Variants in LINGO2 observed in about 807,000 individuals in gnomAD.
LINGO2 encodes the protein leucine-rich repeat and immunoglobulin-like domain-containing nogo receptor-interacting protein 2.
A neutral mutation model predicts 30.6 loss-of-function variants in LINGO2; 14 were observed. That is an observed-to-expected ratio of 0.46 (90% CI 0.30 to 0.72). The LOEUF (loss-of-function observed/expected upper bound fraction) is 0.72, where lower values mean the gene tolerates loss of function less well. LINGO2 is among the 30% of genes least tolerant of loss of function. The probability of loss-of-function intolerance (pLI) is 0.07; values close to 1 mark genes in which losing one functional copy is unlikely to be tolerated. For synonymous variants in LINGO2, 317 were observed against 288.5 expected, an observed-to-expected ratio of 1.10 and a Z score of -1.00; for missense variants, 729 against 751.7, an observed-to-expected ratio of 0.97 and a Z score of 0.35.
At chr9:28,055,878 C>T (rs1225945684) in intron 4 of LINGO2, among the ~76,000 whole-genome samples, 6 of 152,098 alleles carry the variant, frequency 3.9e-5, no homozygotes, top group Admixed American at 3.3e-4. Flanking sequence ...AGGCATTTGG[C>T]AAAAGTTAAA....
chr9:28,897,674 G>A, the LINGO2 span, among the ~76,000 whole-genome samples: 1 of 151,978 alleles, frequency 6.6e-6, no homozygotes, highest in Non-Finnish European at 1.5e-5. Flanking sequence ...CCTGTAAAAC[G>A]AAAATAATAA....
chr9:28,825,898 G>A, the LINGO2 span, among the ~76,000 whole-genome samples: 2 of 152,078 alleles, frequency 1.3e-5, no homozygotes, highest in Non-Finnish European at 2.9e-5. Flanking sequence ...TTTCTGAGCA[G>A]AATTTGAAAC....
At chr9:28,675,177 T>C (rs1443473147), upstream of LINGO2, among the ~76,000 whole-genome samples, 1 of 152,184 alleles carries the variant, frequency 6.6e-6, no homozygotes, top group East Asian at 1.9e-4. Context: ...TTCACATATA[T>C]ATAACTGAGG....
chr9:28,049,368 C>A (rs1173092435), intron 4 of LINGO2, among the ~76,000 whole-genome samples: 1 of 150,698 alleles, frequency 6.6e-6, no homozygotes, highest in African/African-American at 2.5e-5. Flanking sequence ...TATTTTAGAA[C>A]CCCCAAGGTG....
intron 4 of LINGO2, among the ~76,000 whole-genome samples, chr9:28,281,994 G>A (rs1336412869): frequency 6.6e-6 from 1 of 152,060 alleles, no homozygotes; most frequent in East Asian, 1.9e-4. Context: ...AACATTGGGG[G>A]AACTTCAATG....
chr9:28,214,912 A>C lies in LINGO2; in HGVS notation c.-87+80296T>G, dbSNP rs147723355. On this transcript the variant is annotated intron_variant, in intron 4 of 5. Coordinates refer to ENST00000379992, the Ensembl canonical transcript of LINGO2. ...TAAACACACAGTAAGTATATATTCC[A>C]AAACTCTAAAAACTGGTGTTTAAAT... Among the ~76,000 whole-genome samples the C allele has an allele frequency of 4.9e-3, 750 of 151,868 alleles. 29 individuals are homozygous for C. The highest frequency in any genetic ancestry group is 0.045 in the Admixed American group (683 of 15,214).
intron 3 of LINGO2, among the ~76,000 whole-genome samples, chr9:28,312,685 G>A (rs1419852883): frequency 4.6e-5 from 7 of 152,058 alleles, no homozygotes; most frequent in Non-Finnish European, 1.0e-4. Flanking sequence ...AAGACAGAGT[G>A]CAATTATTAT....
intron 2 of LINGO2, among the ~76,000 whole-genome samples, chr9:28,402,153 G>T (rs1305220482): frequency 6.6e-6 from 1 of 152,122 alleles, no homozygotes; most frequent in African/African-American, 2.4e-5. Flanking sequence ...TGCAGCCTGG[G>T]ATCTCCTCCC....
At chr9:28,127,682 T>C (rs903184034) in intron 4 of LINGO2, among the ~76,000 whole-genome samples, 4 of 152,088 alleles carry the variant, frequency 2.6e-5, no homozygotes, top group Admixed American at 2.6e-4. Context: ...GTGGAAATGT[T>C]CTCTCTATGG....
At chr9:28,865,892 C>G in the LINGO2 span, among the ~76,000 whole-genome samples, 1 of 152,096 alleles carries the variant, frequency 6.6e-6, no homozygotes, top group Non-Finnish European at 1.5e-5. Flanking sequence ...TAAGTTGATC[C>G]AATAATAATA....
chr9:28,855,971 G>C, the LINGO2 span, among the ~76,000 whole-genome samples: 1 of 151,980 alleles, frequency 6.6e-6, no homozygotes, highest in African/African-American at 2.4e-5. Context: ...TTCTCTTTTG[G>C]ACCTTGATCA....
the LINGO2 span, among the ~76,000 whole-genome samples, chr9:28,727,251 C>T: frequency 5.9e-5 from 9 of 151,862 alleles, no homozygotes; most frequent in Admixed American, 5.2e-4. Flanking sequence ...AAGTACCTGT[C>T]TATGGGGAAC....
the LINGO2 span, among the ~76,000 whole-genome samples, chr9:28,729,557 C>CA: frequency 4.0e-5 from 6 of 151,604 alleles, no homozygotes; most frequent in African/African-American, 1.5e-4. Flanking sequence ...AGAAACATTC[C>CA]AAGAACAAGT....
intron 5 of LINGO2, among the ~76,000 whole-genome samples, chr9:28,011,262 G>A (rs752116474): frequency 8.5e-5 from 13 of 152,272 alleles, no homozygotes; most frequent in East Asian, 3.9e-4. Flanking sequence ...AGAATTTTTC[G>A]TAGGGAGGGA....
At chr9:28,403,912 C>G (rs1822382771) in intron 2 of LINGO2, among the ~76,000 whole-genome samples, 1 of 151,894 alleles carries the variant, frequency 6.6e-6, no homozygotes, top group African/African-American at 2.4e-5. Flanking sequence ...TTTTTGGCAT[C>G]ATCTCTATTC....
At chr9:28,982,036 T>C in the LINGO2 span, among the ~76,000 whole-genome samples, 1 of 152,088 alleles carries the variant, frequency 6.6e-6, no homozygotes, top group Non-Finnish European at 1.5e-5. Flanking sequence ...AGTAACCAGA[T>C]ATATAAGTAT....
chr9:28,549,467 G>A (rs543248335), intron 1 of LINGO2, among the ~76,000 whole-genome samples: 14 of 152,008 alleles, frequency 9.2e-5, no homozygotes, highest in South Asian at 4.2e-4. Context: ...AGTGGTTTAC[G>A]TAGGGTTTAA....
chr9:29,121,355 T>A, the LINGO2 span, among the ~76,000 whole-genome samples: 10 of 152,120 alleles, frequency 6.6e-5, no homozygotes, highest in Non-Finnish European at 1.5e-5. Context: ...AAATGCTATA[T>A]TTTTAAGCAA....
chr9:29,159,016 C>G, the LINGO2 span, among the ~76,000 whole-genome samples: 1 of 152,180 alleles, frequency 6.6e-6, no homozygotes, highest in African/African-American at 2.4e-5. Context: ...GCAGCTCTCT[C>G]AGAGCTCAAA....
Sources: gnomAD v4.1 joint callset for allele counts (sites outside exome capture counted in the v4.1 genomes callset) on GRCh38, gnomAD v4.1.1 for gene constraint, MANE v1.5 for transcripts, NCBI Gene and HGNC (gene_info 2026-07-23, HGNC 2026-07-21) for gene names.